Variants in CNTNAP2 observed in about 807,000 individuals in gnomAD.
CNTNAP2 encodes the protein contactin associated protein 2.
In CNTNAP2, 98 loss-of-function variants were observed where a neutral mutation model predicts 155.2. That is an observed-to-expected ratio of 0.63 (90% CI 0.54 to 0.75). CNTNAP2 has a LOEUF of 0.75. Ranked by LOEUF, CNTNAP2 falls within the 30% of genes least tolerant of loss-of-function variation. The pLI is 0.00. For synonymous variants in CNTNAP2, 651 were observed against 631.2 expected (o/e 1.03, Z -0.47); for missense variants, 1,727 against 1,688.1 (o/e 1.02, Z -0.40).
At chr7:147,363,696 T>C (rs759210019) in intron 9 of CNTNAP2, among the ~76,000 whole-genome samples, 1 of 152,218 alleles carries the variant, frequency 6.6e-6, no homozygotes, top group Non-Finnish European at 1.5e-5. Context: ...ATTTTTTGTA[T>C]GTTTTCTATT....
intron 8 of CNTNAP2, among the ~76,000 whole-genome samples, chr7:147,190,655 G>GA (rs550621284): frequency 6.6e-6 from 1 of 151,394 alleles, no homozygotes; most frequent in Non-Finnish European, 1.5e-5. Context: ...AATTCCTGGA[G>GA]AAAAAAAAAT....
At chr7:147,537,153 G>A (rs755646616) in intron 11 of CNTNAP2, among the ~76,000 whole-genome samples, 4 of 152,138 alleles carry the variant, frequency 2.6e-5, no homozygotes, top group Non-Finnish European at 5.9e-5. Flanking sequence ...TTTTAGTCTA[G>A]CATTAAATAC....
intron 8 of CNTNAP2, among the ~76,000 whole-genome samples, chr7:147,289,257 C>T (rs969527213): frequency 6.6e-6 from 1 of 152,044 alleles, no homozygotes; most frequent in Admixed American, 6.6e-5. Context: ...CCAGACTTAA[C>T]GGCTTTACCA....
intron 13 of CNTNAP2, among the ~76,000 whole-genome samples, chr7:147,712,097 T>TA (rs747905161): frequency 6.6e-6 from 1 of 152,162 alleles, no homozygotes; most frequent in Non-Finnish European, 1.5e-5. Context: ...CCACGTTTCT[T>TA]ACTCACGTTC....
chr7:146,285,342 A>G (rs756911001), intron 1 of CNTNAP2, among the ~76,000 whole-genome samples: 2 of 152,176 alleles, frequency 1.3e-5, no homozygotes, highest in South Asian at 2.1e-4. Context: ...TCACTTGCTT[A>G]TAGTCCATGA....
intron 21 of CNTNAP2, among the ~76,000 whole-genome samples, chr7:148,338,400 CAGA>C (rs1013060093): frequency 5.3e-5 from 8 of 152,178 alleles, no homozygotes; most frequent in East Asian, 1.9e-4. Flanking sequence ...TTGGAAAAGA[CAGA>C]AGAACAGAGC....
At chr7:147,350,479 A>G (rs1795950819) in intron 9 of CNTNAP2, among the ~76,000 whole-genome samples, 1 of 151,896 alleles carries the variant, frequency 6.6e-6, no homozygotes, top group Admixed American at 6.6e-5. Context: ...AATAAAATTG[A>G]TAAATATTCA....
chr7:146,721,791 C>T (rs867112015), intron 1 of CNTNAP2, among the ~76,000 whole-genome samples: 8 of 87,500 alleles, frequency 9.1e-5, no homozygotes, highest in African/African-American at 2.6e-4. Context: ...ATATAGTCTA[C>T]ATATATAGAC....
At chr7:146,476,279 C>T (rs17170114) in intron 1 of CNTNAP2, among the ~76,000 whole-genome samples, 11,674 of 152,074 alleles carry the variant, frequency 0.077, 483 homozygotes, top group Non-Finnish European at 0.094. Flanking sequence ...AATATTCACC[C>T]AAAGAATCTT....
intron 13 of CNTNAP2, among the ~76,000 whole-genome samples, chr7:147,759,521 A>G (rs1327569333): frequency 6.6e-6 from 1 of 152,224 alleles, no homozygotes; most frequent in East Asian, 1.9e-4. Flanking sequence ...CAGACCTCAG[A>G]TAACACAAGG....
chr7:146,539,044 C>A (rs1438940910), intron 1 of CNTNAP2, among the ~76,000 whole-genome samples: 1 of 152,056 alleles, frequency 6.6e-6, no homozygotes, highest in Non-Finnish European at 1.5e-5. Flanking sequence ...TTATTATTCA[C>A]AGATCATCAG....
intron 1 of CNTNAP2, among the ~76,000 whole-genome samples, chr7:146,161,290 C>G (rs939925591): frequency 3.9e-5 from 6 of 152,180 alleles, no homozygotes; most frequent in Non-Finnish European, 7.3e-5. Flanking sequence ...AAAACTGGCA[C>G]AAGGCAGCTA....
rs180933932 is a variant in CNTNAP2, at chr7:147,341,105, T to C, written c.1498+40815T>C. ...GTGTGTGTGTGTATATATATACATA[T>C]ATTTATATTATAAATATAGCTCTAG... On this transcript the variant is annotated intron_variant, in intron 9 of 23. Coordinates refer to ENST00000361727, the MANE Select transcript of CNTNAP2 (RefSeq NM_014141.6). Among the ~76,000 whole-genome samples the C allele has an allele frequency of 7.0e-3, 1,049 of 149,704 alleles. 26 individuals carry two copies. Among genetic ancestry groups the C allele is most frequent in the Non-Finnish European group, 5.9e-3 (400 of 67,442 alleles).
intron 8 of CNTNAP2, among the ~76,000 whole-genome samples, chr7:147,259,693 G>A (rs1304787595): frequency 6.6e-6 from 1 of 152,182 alleles, no homozygotes; most frequent in Non-Finnish European, 1.5e-5. Flanking sequence ...AAAGACAAGA[G>A]CATCGTCTTA....
intron 3 of CNTNAP2, among the ~76,000 whole-genome samples, chr7:146,893,131 A>G (rs1205411801): frequency 6.6e-6 from 1 of 152,078 alleles, no homozygotes; most frequent in Non-Finnish European, 1.5e-5. Flanking sequence ...ATTGTTATCT[A>G]TTTCTGTGTC....
chr7:146,892,842 TACTC>T (rs1023957251), intron 3 of CNTNAP2, among the ~76,000 whole-genome samples: 36 of 152,336 alleles, frequency 2.4e-4, no homozygotes, highest in African/African-American at 7.9e-4. Context: ...GATTCAATGT[TACTC>T]AATAAGTGAA....
chr7:148,015,029 C>G (rs938864149), intron 15 of CNTNAP2, among the ~76,000 whole-genome samples: 1 of 151,800 alleles, frequency 6.6e-6, no homozygotes, highest in South Asian at 2.1e-4. Context: ...CACAAGCAAG[C>G]CTTTGAGTTT....
At chr7:148,359,746 G>A (rs539096999) in intron 21 of CNTNAP2, among the ~76,000 whole-genome samples, 1 of 152,344 alleles carries the variant, frequency 6.6e-6, no homozygotes, top group South Asian at 2.1e-4. Flanking sequence ...GCAGGGTAAA[G>A]AGAGAAGCGT....
At position 147,326,125 on chromosome 7, in the gene CNTNAP2, C is replaced by T. The variant is rs189836935; in HGVS notation, c.1498+25835C>T. Among the ~76,000 whole-genome samples the T allele has an allele frequency of 6.7e-3, 1,022 of 152,270 alleles. 10 individuals are homozygous for T. The highest frequency in any genetic ancestry group is 0.023 in the African/African-American group (962 of 41,568). On this transcript the variant is annotated intron_variant, in intron 9 of 23. Transcript: ENST00000361727. Reference sequence around the variant, plus strand: ...ATTTTTAGTAGAGATGGGGTTTCACCGTGTTAGCCAGGATGGTCTCGATCT... The same window carrying T: ...ATTTTTAGTAGAGATGGGGTTTCACTGTGTTAGCCAGGATGGTCTCGATCT...
Sources: allele counts gnomAD v4.1 joint callset (sites outside exome capture counted in the v4.1 genomes callset), GRCh38; gene constraint gnomAD v4.1.1; transcripts MANE v1.5; gene names NCBI Gene and HGNC (gene_info 2026-07-23, HGNC 2026-07-21).